Variants in CIAPIN1 observed in about 807,000 individuals in gnomAD.
CIAPIN1 encodes anamorsin.
In CIAPIN1, 18 loss-of-function variants were observed where a neutral mutation model predicts 34.3. The ratio of observed to expected loss-of-function variants is 0.52; its 90% confidence interval spans 0.36 to 0.78. CIAPIN1 has a LOEUF of 0.78. Among genes scored for constraint, CIAPIN1 ranks in the 30% least tolerant of loss-of-function variants. The pLI is 0.00. For missense variants in CIAPIN1, 310 were observed against 372.5 expected, an observed-to-expected ratio of 0.83 and a Z score of 1.38; for synonymous variants, 131 against 140.4, an observed-to-expected ratio of 0.93 and a Z score of 0.47.
chr16:57,429,564 T>A (rs990305226), intron 8 of CIAPIN1, among the ~76,000 whole-genome samples: 1 of 151,696 alleles, frequency 6.6e-6, no homozygotes, highest in Non-Finnish European at 1.5e-5. Context: ...CGATCTCAGC[T>A]CACTGCAAGC....
intron 6 of CIAPIN1, chr16:57,431,530 C>T (rs1903086977): frequency 3.2e-6 from 1 of 313,908 alleles, no homozygotes; most frequent in East Asian, 5.7e-5. Flanking sequence ...GACTGGCCAG[C>T]AATGTGTAGA....
intron 5 of CIAPIN1, 48 bp from the exon 6 acceptor site, chr16:57,432,608 C>CT: frequency 6.6e-7 from 1 of 1,509,828 alleles, no homozygotes; most frequent in East Asian, 2.3e-5. Context: ...CAGTCAGAAA[C>CT]TATTAATTAC....
Position 57,432,525 on chromosome 16 carries a change from A to G in CIAPIN1, c.592T>C (p.Trp198Arg). 1 of 1,613,376 alleles carries G rather than the reference A, an allele frequency of 6.2e-7. No individual in the cohort carries two copies. The highest frequency in any genetic ancestry group is 1.1e-5 in the South Asian group (1 of 91,048). The change falls in exon 6 of 9, where the codon TGG becomes CGG. Residue 198 changes from tryptophan to arginine, a missense_variant. Transcript: ENST00000394391. ...TCCATATCGTTGGCTGAGAGGGTCC[A>G]CAGCTTGGCAGCAGCAGGGTCCACA... ...PAVDPAAAKLWTLSANDMEDD... is the reference protein window; with the variant it reads ...PAVDPAAAKLRTLSANDMEDD...
intron 3 of CIAPIN1, among the ~76,000 whole-genome samples, chr16:57,437,609 G>A (rs1229611427): frequency 1.3e-5 from 2 of 151,646 alleles, no homozygotes; most frequent in Admixed American, 6.6e-5. Flanking sequence ...TTGCAGCCTC[G>A]ACCTCCCAGG....
chr16:57,436,653 T>C lies in CIAPIN1; in HGVS notation c.387+3A>G. The C allele has an allele frequency of 6.2e-7, 1 of 1,611,890 alleles. No homozygotes were observed. The highest frequency in any genetic ancestry group is 8.5e-7 in the Non-Finnish European group (1 of 1,178,034). The stretch of plus-strand genomic sequence containing the variant: ...CAGCAAAGAAAGTTGTCTACAAACG[T>C]ACCTCTTTCACTTCCACAAGACCAG... On this transcript the variant is annotated splice_donor_region_variant and intron_variant, in intron 4 of 8. Coordinates refer to ENST00000394391, the MANE Select transcript of CIAPIN1 (RefSeq NM_020313.4).
intron 1 of CIAPIN1, among the ~76,000 whole-genome samples, chr16:57,443,187 G>A (rs2029919106): frequency 8.1e-6 from 1 of 123,030 alleles, no homozygotes; most frequent in African/African-American, 3.2e-5. Context: ...CACTCTTGTT[G>A]TCCAGGCTGG....
Position 57,429,092 on chromosome 16 carries a change from G to A in CIAPIN1, c.*78C>T. ...CTCAGAGTGAACAAATCCAGAGGAG[G>A]TGGGAGGAGCCACCATGGTGGGATG... On this transcript the variant is annotated 3_prime_UTR_variant, in exon 9 of 9. Transcript: ENST00000394391. 2.1e-6 allele frequency: 2 copies of A among 969,320 alleles called. No homozygotes were observed. Among genetic ancestry groups the A allele is most frequent in the South Asian group, 1.3e-5 (1 of 74,124 alleles). The allele number at this position is 969,320 out of a possible 1,614,324, so 60.0% of individuals were successfully genotyped here. A position where few individuals can be genotyped will look rare whatever the true frequency, so the allele number is the denominator to read the frequency against.
At chr16:57,433,378 C>A (rs755736955) in intron 5 of CIAPIN1, among the ~76,000 whole-genome samples, 1 of 152,302 alleles carries the variant, frequency 6.6e-6, no homozygotes, top group Non-Finnish European at 1.5e-5. Flanking sequence ...AGGTTAGATT[C>A]CAAAGGATTT....
chr16:57,432,966 G>A (rs559166634), intron 5 of CIAPIN1, among the ~76,000 whole-genome samples: 4 of 152,152 alleles, frequency 2.6e-5, no homozygotes, highest in Non-Finnish European at 5.9e-5. Flanking sequence ...CTTCCTCCTC[G>A]ATACCTTAGT....
At chr16:57,432,673 CAGA>C in intron 5 of CIAPIN1, 113 bp from the exon 6 acceptor site, 2 of 981,152 alleles carry the variant, frequency 2.0e-6, no homozygotes, top group African/African-American at 1.7e-5. Context: ...GCCTGGGAGG[CAGA>C]AGATGTGGGT....
chr16:57,442,006 TA>T (rs1441267651), intron 1 of CIAPIN1, among the ~76,000 whole-genome samples: 1 of 152,188 alleles, frequency 6.6e-6, no homozygotes, highest in Non-Finnish European at 1.5e-5. Flanking sequence ...CCACCACAGA[TA>T]CAGACTGAAT....
In CIAPIN1 at chr16:57,436,661, T is replaced by C; in HGVS notation, c.382A>G (p.Lys128Glu). Residue 128 changes from lysine to glutamate, a missense_variant, in exon 4 of 9, where the codon AAA becomes GAA. Transcript: ENST00000394391. ...AAAGTTGTCTACAAACGTACCTCTTTCACTTCCACAAGACCAGAAAGAGTC... is the reference window on the plus strand; with the variant it reads ...AAAGTTGTCTACAAACGTACCTCTTCCACTTCCACAAGACCAGAAAGAGTC... ...ALTLSGLVEVKELQREPLTPE... is the reference protein window; with the variant it reads ...ALTLSGLVEVEELQREPLTPE... 6.2e-7 allele frequency: 1 copy of C among 1,613,576 alleles called. No homozygotes were observed. The highest frequency in any genetic ancestry group is 8.5e-7 in the Non-Finnish European group (1 of 1,179,556).
chr16:57,442,124 T>A (rs1267886511), intron 1 of CIAPIN1, among the ~76,000 whole-genome samples: 3 of 152,214 alleles, frequency 2.0e-5, no homozygotes, highest in South Asian at 2.1e-4. Context: ...GCCAGGCGAA[T>A]TGCCTGAGCC....
In CIAPIN1 at chr16:57,429,051, C is replaced by T. The variant is rs1903018465; in HGVS notation, c.*119G>A. The T allele has an allele frequency of 5.7e-6, 4 of 701,874 alleles. No individual in the cohort carries two copies. Among genetic ancestry groups the T allele is most frequent in the South Asian group, 5.1e-5 (3 of 58,420 alleles). The allele number at this position is 701,874 out of a possible 1,614,324, so 43.5% of individuals were successfully genotyped here. A position where few individuals can be genotyped will look rare whatever the true frequency, so the allele number is the denominator to read the frequency against. On this transcript the variant is annotated 3_prime_UTR_variant, in exon 9 of 9. Coordinates refer to ENST00000394391, the MANE Select transcript of CIAPIN1 (RefSeq NM_020313.4). ...AGCTTCACTCTGTCTGCTAAGCACC[C>T]ACTCTGCAAACAGATCTCAGAGTGA...
At chr16:57,437,465 T>G (rs1391608599) in intron 3 of CIAPIN1, among the ~76,000 whole-genome samples, 1 of 151,952 alleles carries the variant, frequency 6.6e-6, no homozygotes, top group African/African-American at 2.4e-5. Context: ...AGGATGTAAC[T>G]CCATTGTAAG....
chr16:57,433,238 T>C (rs1459521588), intron 5 of CIAPIN1, among the ~76,000 whole-genome samples: 1 of 152,218 alleles, frequency 6.6e-6, no homozygotes, highest in Non-Finnish European at 1.5e-5. Context: ...GGATGCAGTG[T>C]GGGCAAATCC....
At chr16:57,444,417 G>C (rs1379541807) in intron 1 of CIAPIN1, among the ~76,000 whole-genome samples, 1 of 152,184 alleles carries the variant, frequency 6.6e-6, no homozygotes, top group East Asian at 1.9e-4. Context: ...TAGTTTACCT[G>C]CCTTTGCTTC....
chr16:57,444,472 G>A (rs1412290651), intron 1 of CIAPIN1, among the ~76,000 whole-genome samples: 6 of 152,208 alleles, frequency 3.9e-5, no homozygotes, highest in African/African-American at 1.4e-4. Flanking sequence ...ATGCCTGATA[G>A]GAGGACACTC....
chr16:57,434,239 A>G, intron 4 of CIAPIN1, 27 bp from the exon 5 acceptor site: 1 of 1,611,574 alleles, frequency 6.2e-7, no homozygotes, highest in Non-Finnish European at 8.5e-7. Flanking sequence ...CAAAAGGATT[A>G]GTTCACCCTC....
Sources: allele counts gnomAD v4.1 joint callset (sites outside exome capture counted in the v4.1 genomes callset), GRCh38; gene constraint gnomAD v4.1.1; transcripts MANE v1.5; gene names NCBI Gene and HGNC (gene_info 2026-07-23, HGNC 2026-07-21).